Variants in VPS50 observed in about 807,000 individuals in gnomAD.
The protein encoded by VPS50 is VPS50 subunit of EARP/GARPII complex.
In VPS50, 70 loss-of-function variants were observed where a neutral mutation model predicts 139.7. The observed-to-expected ratio is 0.50, with a 90% CI of 0.41 to 0.61. VPS50 has a LOEUF of 0.61. Ranked by LOEUF, VPS50 falls within the 20% of genes least tolerant of loss-of-function variation. The pLI, the probability that VPS50 is intolerant of heterozygous loss-of-function variation, is 0.00. For synonymous variants in VPS50, 365 were observed against 376.7 expected, an observed-to-expected ratio of 0.97 and a Z score of 0.36; for missense variants, 921 against 1,133.7, an observed-to-expected ratio of 0.81 and a Z score of 2.69.
At chr7:93,298,525 A>T (rs946355076) in intron 16 of VPS50, among the ~76,000 whole-genome samples, 2 of 152,192 alleles carry the variant, frequency 1.3e-5, no homozygotes, top group Non-Finnish European at 2.9e-5. Context: ...TTTGTATCCA[A>T]CATGACAACT....
intron 18 of VPS50, among the ~76,000 whole-genome samples, chr7:93,308,616 G>A (rs186265730): frequency 1.0e-3 from 159 of 151,970 alleles, no homozygotes; most frequent in African/African-American, 3.5e-3. Flanking sequence ...GCTTTTATAG[G>A]TGTAATATTT....
chr7:93,336,413 A>C (rs1798071233), intron 22 of VPS50, among the ~76,000 whole-genome samples: 1 of 152,228 alleles, frequency 6.6e-6, no homozygotes, highest in Non-Finnish European at 1.5e-5. Context: ...AAAAGTAAGA[A>C]AGGAAGCTGG....
At chr7:93,279,886 T>G (rs1796271382) in intron 12 of VPS50, among the ~76,000 whole-genome samples, 1 of 151,922 alleles carries the variant, frequency 6.6e-6, no homozygotes, top group Non-Finnish European at 1.5e-5. Context: ...GGAAAGAGAG[T>G]GGAAATGAAA....
At chr7:93,322,220 G>C (rs546194657) in intron 20 of VPS50, among the ~76,000 whole-genome samples, 1 of 152,264 alleles carries the variant, frequency 6.6e-6, no homozygotes, top group Non-Finnish European at 1.5e-5. Context: ...GTTCTTAAAT[G>C]GTTTTGATAG....
chr7:93,361,051 A>T lies in VPS50; in HGVS notation c.*2615A>T, dbSNP rs1481792389. 6.6e-6 allele frequency: 1 copy of T among 151,920 alleles called. No individual in the cohort carries two copies. Among genetic ancestry groups the T allele is most frequent in the African/African-American group, 2.4e-5 (1 of 41,424 alleles). The allele number at this position is 151,920 out of a possible 1,614,324, so 9.4% of individuals were successfully genotyped here. A position where few individuals can be genotyped will look rare whatever the true frequency, so the allele number is the denominator to read the frequency against. On this transcript the variant is annotated 3_prime_UTR_variant, in exon 28 of 28. Transcript: ENST00000305866. ...ATAGCTTTTTCTTAACTCACCAAAA[A>T]GTAGTAAAAGGCTTGTAATTCAATT...
intron 15 of VPS50, 137 bp downstream of exon 15, chr7:93,296,973 A>C: frequency 7.0e-7 from 1 of 1,434,304 alleles, no homozygotes; most frequent in Non-Finnish European, 9.1e-7. Context: ...AGTGTATTTA[A>C]ATATTTCTGC....
intron 11 of VPS50, chr7:93,273,626 G>C (rs1168769051): frequency 6.6e-6 from 1 of 152,064 alleles, no homozygotes; most frequent in Non-Finnish European, 1.5e-5. Flanking sequence ...ATAAGATTAA[G>C]TCTTAAATTC....
At chr7:93,319,111 G>T (rs757157259) in intron 20 of VPS50, among the ~76,000 whole-genome samples, 5 of 152,054 alleles carry the variant, frequency 3.3e-5, no homozygotes, top group Non-Finnish European at 7.4e-5. Flanking sequence ...AAGGTGCAAA[G>T]AACATATCTT....
intron 20 of VPS50, among the ~76,000 whole-genome samples, chr7:93,322,265 T>A (rs17165264): frequency 0.017 from 2,541 of 152,314 alleles, 87 homozygotes; most frequent in African/African-American, 0.058. Context: ...TGTCATTTCT[T>A]GTACTGCAGT....
At chr7:93,338,298 A>T (rs1798119323) in intron 22 of VPS50, among the ~76,000 whole-genome samples, 1 of 152,148 alleles carries the variant, frequency 6.6e-6, no homozygotes, top group Non-Finnish European at 1.5e-5. Flanking sequence ...CCCGGAGTGG[A>T]GGAGGCAGTT....
intron 13 of VPS50, among the ~76,000 whole-genome samples, chr7:93,292,231 G>A (rs1047115254): frequency 2.0e-5 from 3 of 151,974 alleles, no homozygotes; most frequent in African/African-American, 7.2e-5. Flanking sequence ...CAGTAATAAA[G>A]CTAGGTTCTA....
chr7:93,263,722 T>C (rs549561935), intron 9 of VPS50, among the ~76,000 whole-genome samples: 30 of 152,288 alleles, frequency 2.0e-4, no homozygotes, highest in African/African-American at 7.2e-4. Context: ...CTCTATATCT[T>C]GTAAGTCTCA....
chr7:93,349,742 C>A, intron 24 of VPS50, 133 bp from the exon 25 acceptor site: 1 of 643,412 alleles, frequency 1.6e-6, no homozygotes, highest in Non-Finnish European at 2.5e-6. Flanking sequence ...TTATTTTCAT[C>A]ATAATTTAAA....
At chr7:93,306,294 T>TA (rs1460429847) in intron 18 of VPS50, among the ~76,000 whole-genome samples, 1 of 151,918 alleles carries the variant, frequency 6.6e-6, no homozygotes, top group Non-Finnish European at 1.5e-5. Flanking sequence ...ACTGAATATT[T>TA]ACGTGATATA....
chr7:93,283,965 G>A (rs1010681762), intron 12 of VPS50, among the ~76,000 whole-genome samples: 1 of 152,310 alleles, frequency 6.6e-6, no homozygotes, highest in African/African-American at 2.4e-5. Flanking sequence ...CCATTTATCT[G>A]AGTAACTAGT....
chr7:93,278,106 T>C (rs1229664424), intron 12 of VPS50, among the ~76,000 whole-genome samples: 1 of 152,204 alleles, frequency 6.6e-6, no homozygotes, highest in African/African-American at 2.4e-5. Context: ...ATGTATATTT[T>C]GCTTTCTTTT....
At chr7:93,358,183 T>C in intron 27 of VPS50, 134 bp from the exon 28 acceptor site, 3 of 774,238 alleles carry the variant, frequency 3.9e-6, no homozygotes, top group Non-Finnish European at 6.4e-6. Context: ...CCAACTGTAA[T>C]TTCCACTGTT....
At chr7:93,349,789 ATATACTGGAAACAGGGGC>A in intron 24 of VPS50, 68 bp from the exon 25 acceptor site, 1 of 920,608 alleles carries the variant, frequency 1.1e-6, no homozygotes, top group Non-Finnish European at 1.7e-6. Context: ...CAGATATGAT[ATATACTGGAAACAGGGGC>A]AAGTATTCTT....
intron 12 of VPS50, among the ~76,000 whole-genome samples, chr7:93,283,240 T>G (rs899048414): frequency 1.3e-5 from 2 of 151,438 alleles, no homozygotes; most frequent in Non-Finnish European, 2.9e-5. Context: ...TCTTTTTTTT[T>G]TTTTTGAGGC....
Sources: allele counts gnomAD v4.1 joint callset (sites outside exome capture counted in the v4.1 genomes callset), GRCh38; gene constraint gnomAD v4.1.1; transcripts MANE v1.5; gene names NCBI Gene and HGNC (gene_info 2026-07-23, HGNC 2026-07-21).